KIF22: variants seen among roughly 807,000 people sequenced by gnomAD.
KIF22 encodes the protein kinesin family member 22, also known as kinesin-like protein KIF22.
In KIF22, 62 loss-of-function variants were observed where a neutral mutation model predicts 73.0. That is an observed-to-expected ratio of 0.85 (90% CI 0.69 to 1.05). The LOEUF is 1.05. KIF22 is among the 50% of genes least tolerant of loss of function. The pLI, the probability that KIF22 is intolerant of heterozygous loss-of-function variation, is 0.00. For missense variants in KIF22, 854 were observed against 870.1 expected (o/e 0.98, Z 0.23); for synonymous variants, 411 against 340.1 (o/e 1.21, Z -2.29).
intron 1 of KIF22, chr16:29,791,089 C>G: frequency 7.3e-7 from 1 of 1,367,762 alleles, no homozygotes; most frequent in East Asian, 2.9e-5. Flanking sequence ...ACCCCGCGCA[C>G]TTTTTCTTTG....
In KIF22 at chr16:29,798,661, C is replaced by T. The variant is rs1470851332; in HGVS notation, c.463C>T (p.Leu155=). 2 of 1,614,178 alleles carry T rather than the reference C, an allele frequency of 1.2e-6. No homozygotes were observed. The highest frequency in any genetic ancestry group is 4.5e-5 in the East Asian group (2 of 44,884). ...GVIPRALMDL[L]QLTREEGAEG... is the part of the protein sequence containing the mutation. ...GATCCCGCGGGCTCTCATGGACCTC[C>T]TGCAGCTCACAAGGGAGGAGGGTGC... The change falls in exon 4 of 14, where the codon CTG becomes TTG. Residue 155 remains leucine (L), a synonymous_variant. Coordinates refer to ENST00000160827, the MANE Select transcript of KIF22 (RefSeq NM_007317.3). The surrounding 1 kb of genome is among the most constrained non-coding windows in gnomAD (Gnocchi z 4.1).
intron 9 of KIF22, 94 bp downstream of exon 9, chr16:29,803,031 A>G (rs1486954491): frequency 3.1e-6 from 4 of 1,293,534 alleles, no homozygotes; most frequent in Non-Finnish European, 4.4e-6. Flanking sequence ...AGGCTGGACT[A>G]GAGTCCAGTT....
chr16:29,794,106 A>T (rs1898890868), intron 1 of KIF22, among the ~76,000 whole-genome samples: 1 of 152,204 alleles, frequency 6.6e-6, no homozygotes, highest in African/African-American at 2.4e-5. Flanking sequence ...TATGTACATT[A>T]TTACTTTGAA....
rs893560298 is a variant in KIF22 at position 29,797,492 on chromosome 16, T to C, written c.266+404T>C. Among the ~76,000 whole-genome samples the C allele has an allele frequency of 3.3e-5, 5 of 152,148 alleles. No homozygotes were observed. Among genetic ancestry groups the C allele is most frequent in the African/African-American group, 1.2e-4 (5 of 41,416 alleles). ...ACTCAGAAGGGCAGCTACTTTATAA[T>C]CCTACTGGGGATTTAAAGTTCAAAC... On this transcript the variant is annotated intron_variant, in intron 2 of 13. Transcript: ENST00000160827. The surrounding 1 kb of genome is among the most constrained non-coding windows in gnomAD (Gnocchi z 4.1).
At chr16:29,793,697 T>A (rs1391794486) in intron 1 of KIF22, among the ~76,000 whole-genome samples, 1 of 152,016 alleles carries the variant, frequency 6.6e-6, no homozygotes, top group Non-Finnish European at 1.5e-5. Context: ...AGTAAGCATA[T>A]GCTAACAGTC....
chr16:29,804,573 C>A, intron 11 of KIF22: 1 of 687,054 alleles, frequency 1.5e-6, no homozygotes, highest in Non-Finnish European at 2.7e-6. Context: ...TTGATCTCCA[C>A]AGCAACTCCA....
chr16:29,804,961 CG>C lies in KIF22; in HGVS notation c.1826del (p.Arg609ProfsTer9). The stretch of plus-strand genomic sequence containing the variant: ...AGCCCGAGATCTCCGCAGTCTTCAG[CG>C]CATTGGCCCGAAGAAGGCCCAGCTA... ...GSARDLRSLQ[R>X]IGPKKAQLIV... On this transcript the variant is annotated frameshift_variant, in exon 12 of 14. Coordinates refer to ENST00000160827, the MANE Select transcript of KIF22 (RefSeq NM_007317.3). LOFTEE classifies it high-confidence loss of function. 6.2e-7 allele frequency: 1 copy of C among 1,612,414 alleles called. No homozygotes were observed. Among genetic ancestry groups the C allele is most frequent in the Non-Finnish European group, 8.5e-7 (1 of 1,179,458 alleles).
At position 29,796,920 on chromosome 16, in the gene KIF22, T is replaced by G; in HGVS notation, c.98T>G (p.Ile33Ser). The G allele has an allele frequency of 6.2e-7, 1 of 1,614,076 alleles. No individual in the cohort carries two copies. The highest frequency in any genetic ancestry group is 8.5e-7 in the Non-Finnish European group (1 of 1,179,978). Residue 33 changes from isoleucine to serine, a missense_variant, in exon 2 of 14, where the codon ATT (isoleucine) becomes AGT (serine). Ile to Ser is a moderately radical substitution (Grantham distance 142). Coordinates refer to ENST00000160827, the MANE Select transcript of KIF22 (RefSeq NM_007317.3). ...SGAGRCRLSK[I>S]GATRRPPPAR... ...GCTGGTCGCTGTCGGCTAAGCAAGA[T>G]TGGAGCTACTCGTCGTCCACCTCCA... is the stretch of plus-strand genomic sequence containing the variant.
chr16:29,803,854 T>C (rs1390683230), intron 10 of KIF22, 144 bp from the exon 11 acceptor site: 2 of 700,966 alleles, frequency 2.9e-6, no homozygotes, highest in African/African-American at 3.6e-5. Context: ...TAAATGCGGG[T>C]ATAAAAAAGG....
At chr16:29,796,282 A>ACAC (rs1424105902) in intron 1 of KIF22, among the ~76,000 whole-genome samples, 31 of 149,278 alleles carry the variant, frequency 2.1e-4, no homozygotes, top group African/African-American at 7.3e-4. Flanking sequence ...AAAAAAAAAA[A>ACAC]AAACACACAC....
At position 29,797,860 on chromosome 16, in the gene KIF22, T is replaced by C. The variant is rs112265026; in HGVS notation, c.267-514T>C. Among the ~76,000 whole-genome samples the C allele has an allele frequency of 0.046, 6,956 of 152,234 alleles. 210 individuals carry two copies. The highest frequency in any genetic ancestry group is 0.064 in the Non-Finnish European group (4,369 of 68,008). ...TCTCCACCAGAACGCAGTGGATAGG[T>C]GATTGGTATGTAGAGTCTAGTTCAG... On this transcript the variant is annotated intron_variant, in intron 2 of 13. Coordinates refer to ENST00000160827, the MANE Select transcript of KIF22 (RefSeq NM_007317.3). The surrounding 1 kb of genome is among the most constrained non-coding windows in gnomAD (Gnocchi z 4.1).
chr16:29,800,000 G>A lies in KIF22; in HGVS notation c.1232G>A (p.Gly411Glu). The part of the protein sequence containing the change: ...RARGPEEEEI[G>E]SPEPMAAPAS... ...CGAGGCCCTGAGGAAGAGGAGATCG[G>A]GAGCCCTGAGCCCATGGCAGCTCCA... The change falls in exon 8 of 14, where the codon GGG becomes GAG. Residue 411 changes from glycine (G) to glutamate (E), a missense_variant. Around this residue, in one of 3 missense-constraint regions of KIF22, gnomAD observed 423 missense variants for 365.4 expected, o/e 1.16. Transcript: ENST00000160827. The A allele has an allele frequency of 1.9e-6, 3 of 1,613,830 alleles. No homozygotes were observed. Among genetic ancestry groups the A allele is most frequent in the Non-Finnish European group, 2.5e-6 (3 of 1,180,002 alleles).
At chr16:29,804,627 C>CT (rs1326040718) in intron 11 of KIF22, 187 bp from the exon 12 acceptor site, 1 of 700,198 alleles carries the variant, frequency 1.4e-6, no homozygotes, top group Admixed American at 2.0e-5. Flanking sequence ...AGTAGTACCT[C>CT]TCTTTCACTA....
rs762666870 is a variant in KIF22 at position 29,790,860 on chromosome 16, A to G, written c.70+31A>G. On this transcript the variant is annotated intron_variant, in intron 1 of 13. Coordinates refer to ENST00000160827, the MANE Select transcript of KIF22 (RefSeq NM_007317.3). ...TGAGCCCGGCCTGGGCAAGGCGGGT[A>G]CCGACGTCTGGAGTTTAGTGGGAGT... is the stretch of plus-strand genomic sequence containing the variant. The G allele has an allele frequency of 3.8e-6, 6 of 1,581,328 alleles. No homozygotes were observed. The South Asian group carries it at 5.8e-5, about 15-fold the overall frequency.
chr16:29,796,633 G>C lies in KIF22; in HGVS notation c.71-260G>C, dbSNP rs150324894. Among the ~76,000 whole-genome samples, 416 of 152,016 alleles carry C rather than the reference G, an allele frequency of 2.7e-3. 1 individual carries two copies. The highest frequency in any genetic ancestry group is 9.8e-3 in the African/African-American group (405 of 41,480). Reference sequence around the variant, plus strand: ...TCGGGCATCACCCCAGGGAGACGGAGACCAAATCCACATTTTCACAAGATC... The same window carrying C: ...TCGGGCATCACCCCAGGGAGACGGACACCAAATCCACATTTTCACAAGATC... On this transcript the variant is annotated intron_variant, in intron 1 of 13. Transcript: ENST00000160827.
At position 29,798,887 on chromosome 16, in the gene KIF22, C is replaced by T. The variant is rs145382674; in HGVS notation, c.550-88C>T. ...ACTGGGGTAGCAGATGGTACAACTC[C>T]GAGAATAGAACAGAGAAAGGAAACT... On this transcript the variant is annotated intron_variant, in intron 4 of 13. Coordinates refer to ENST00000160827, the MANE Select transcript of KIF22 (RefSeq NM_007317.3). The surrounding 1 kb of genome is among the most constrained non-coding windows in gnomAD (Gnocchi z 4.1). The T allele has an allele frequency of 5.2e-4, 798 of 1,543,388 alleles. 2 individuals carry two copies. In the African/African-American group the frequency reaches 9.5e-3, roughly 18 times the overall value.
At position 29,798,969 on chromosome 16, in the gene KIF22, A is replaced by C; in HGVS notation, c.550-6A>C. The C allele has an allele frequency of 6.2e-7, 1 of 1,613,758 alleles. No homozygotes were observed. The highest frequency in any genetic ancestry group is 8.5e-7 in the Non-Finnish European group (1 of 1,179,602). On this transcript the variant is annotated splice_region_variant and splice_polypyrimidine_tract_variant and intron_variant, in intron 4 of 13. Coordinates refer to ENST00000160827, the MANE Select transcript of KIF22 (RefSeq NM_007317.3). The surrounding 1 kb of genome is among the most constrained non-coding windows in gnomAD (Gnocchi z 4.1). ...GAATTGCCCTTCCCCTTCACTGCTT[A>C]CACAGGTATTAGACCTCCTGGACCC... is the stretch of plus-strand genomic sequence containing the variant.
Position 29,798,828 on chromosome 16 carries a change from G to T in KIF22, c.549+81G>T. ...TTCTAGAACATGAAGCTCTGCTGTA[G>T]CAGGGAGGTAAGGTGAGACCTAGAA... On this transcript the variant is annotated intron_variant, in intron 4 of 13. Transcript: ENST00000160827. This position sits in a 1 kb window ranked among gnomAD's most constrained non-coding sequence, Gnocchi z 4.1. The T allele has an allele frequency of 6.4e-7, 1 of 1,571,654 alleles. No homozygotes were observed. The highest frequency in any genetic ancestry group is 8.7e-7 in the Non-Finnish European group (1 of 1,154,044).
At chr16:29,802,173 A>G (rs1214287437) in intron 8 of KIF22, among the ~76,000 whole-genome samples, 3 of 144,074 alleles carry the variant, frequency 2.1e-5, no homozygotes, top group African/African-American at 7.8e-5. Context: ...AGGCTGAGAC[A>G]GGGGGATTGC....
Sources: allele counts gnomAD v4.1 joint callset (sites outside exome capture counted in the v4.1 genomes callset), GRCh38; gene constraint gnomAD v4.1.1; regional missense constraint gnomAD v4.1.1; non-coding constraint Gnocchi (gnomAD v3.1); transcripts MANE v1.5; gene names NCBI Gene and HGNC (gene_info 2026-07-23, HGNC 2026-07-21).